EEIG1: variants seen among roughly 807,000 people sequenced by gnomAD.
EEIG1 encodes the protein estrogen-induced osteoclastogenesis regulator 1.
chr9:127,958,047 T>C, the EEIG1 span, among the ~76,000 whole-genome samples: 1 of 152,202 alleles, frequency 6.6e-6, no homozygotes, highest in East Asian at 1.9e-4. Flanking sequence ...TTATGGTCAA[T>C]TGATTTTTGA....
chr9:127,962,323 A>G, the EEIG1 span, among the ~76,000 whole-genome samples: 1 of 152,228 alleles, frequency 6.6e-6, no homozygotes, highest in Non-Finnish European at 1.5e-5. Flanking sequence ...AAAAGAAAGG[A>G]TGAAGATGGG....
the EEIG1 span, among the ~76,000 whole-genome samples, chr9:127,962,390 T>A: frequency 5.9e-5 from 9 of 152,200 alleles, no homozygotes; most frequent in Admixed American, 5.9e-4. Context: ...TGAGCATTTC[T>A]TAAAGCACAC....
chr9:127,978,780 T>C, the EEIG1 span, among the ~76,000 whole-genome samples: 1 of 152,100 alleles, frequency 6.6e-6, no homozygotes, highest in East Asian at 1.9e-4. Context: ...GAGGTTGCAG[T>C]GACCCAAGAT....
At chr9:127,944,361 C>A in the EEIG1 span, 6 of 588,160 alleles carry the variant, frequency 1.0e-5, no homozygotes, top group Non-Finnish European at 9.1e-6. Flanking sequence ...CCAGGCATTG[C>A]TGGAGGTGAC....
chr9:127,948,429 G>A, the EEIG1 span: 2 of 1,613,810 alleles, frequency 1.2e-6, no homozygotes, highest in South Asian at 1.1e-5. Context: ...GGCGAGGGGA[G>A]CAATCAGCTA....
At chr9:127,949,311 C>CAAAAAAA in the EEIG1 span, among the ~76,000 whole-genome samples, 2 of 90,148 alleles carry the variant, frequency 2.2e-5, no homozygotes, top group East Asian at 3.4e-4. Context: ...GACTCTGTCT[C>CAAAAAAA]AAAAAAAAAA....
the EEIG1 span, among the ~76,000 whole-genome samples, chr9:127,965,839 G>A: frequency 6.6e-6 from 1 of 152,268 alleles, no homozygotes; most frequent in Non-Finnish European, 1.5e-5. Context: ...TGAAGAGCCA[G>A]CGTGGCAGCA....
At chr9:127,960,112 C>A in the EEIG1 span, among the ~76,000 whole-genome samples, 10 of 152,100 alleles carry the variant, frequency 6.6e-5, no homozygotes, top group Admixed American at 2.0e-4. Flanking sequence ...GTGCAGGTAG[C>A]GATGAGGTGT....
chr9:127,978,371 G>A, the EEIG1 span, among the ~76,000 whole-genome samples: 16 of 152,048 alleles, frequency 1.1e-4, no homozygotes, highest in Non-Finnish European at 1.5e-4. Flanking sequence ...CAGTTTCTCC[G>A]CCTATAACAC....
chr9:127,955,022 A>C, the EEIG1 span, among the ~76,000 whole-genome samples: 1 of 152,196 alleles, frequency 6.6e-6, no homozygotes, highest in Non-Finnish European at 1.5e-5. Flanking sequence ...ATCCCCGAGC[A>C]GCTCCCCATC....
chr9:127,980,606 GC>G, the EEIG1 span: 1 of 150,506 alleles, frequency 6.6e-6, no homozygotes. Context: ...CCCGCTGGCG[GC>G]CGGGGGAGGT....
At chr9:127,947,621 A>G in the EEIG1 span, among the ~76,000 whole-genome samples, 2 of 152,114 alleles carry the variant, frequency 1.3e-5, no homozygotes, top group Non-Finnish European at 2.9e-5. Context: ...TATGTGGGAG[A>G]GCAAGAGCTC....
the EEIG1 span, among the ~76,000 whole-genome samples, chr9:127,949,053 C>T: frequency 1.1e-4 from 17 of 152,132 alleles, no homozygotes; most frequent in Admixed American, 1.0e-3. Context: ...CCGTGGCTCA[C>T]GCCTGTAATC....
At chr9:127,945,675 T>C in the EEIG1 span, 1 of 1,596,198 alleles carries the variant, frequency 6.3e-7, no homozygotes, top group Non-Finnish European at 8.5e-7. The surrounding 1 kb of genome is among the most constrained non-coding windows in gnomAD (Gnocchi z 6.5). Flanking sequence ...CTGGCTGGCA[T>C]AGCTGGAGTT....
chr9:127,970,794 T>TTG, the EEIG1 span, among the ~76,000 whole-genome samples: 3 of 24,134 alleles, frequency 1.2e-4, no homozygotes, highest in Admixed American at 5.3e-4. Context: ...CTCAGCACGC[T>TTG]CGCCCTTGCC....
chr9:127,948,032 C>T, the EEIG1 span: 1 of 1,584,530 alleles, frequency 6.3e-7, no homozygotes, highest in South Asian at 1.1e-5. Flanking sequence ...ACCCCTCGGG[C>T]CGCTAGCAGG....
chr9:127,946,876 T>C, the EEIG1 span, among the ~76,000 whole-genome samples: 1 of 152,144 alleles, frequency 6.6e-6, no homozygotes, highest in Admixed American at 6.5e-5. Context: ...ACTGATTCTG[T>C]GGGACAAATC....
At chr9:127,972,966 C>G in the EEIG1 span, among the ~76,000 whole-genome samples, 1 of 152,146 alleles carries the variant, frequency 6.6e-6, no homozygotes, top group Admixed American at 6.5e-5. The surrounding 1 kb of genome is among the most constrained non-coding windows in gnomAD (Gnocchi z 4.3). Context: ...CAGGGCATAT[C>G]TGGAGTCCCC....
chr9:127,942,494 G>A, the EEIG1 span: 1 of 154,002 alleles, frequency 6.5e-6, no homozygotes, highest in East Asian at 1.9e-4. Context: ...ACTGTGCTGG[G>A]GGTGAGCATG....
Sources: allele counts gnomAD v4.1 joint callset (sites outside exome capture counted in the v4.1 genomes callset), GRCh38; gene constraint gnomAD v4.1.1; non-coding constraint Gnocchi (gnomAD v3.1); transcripts MANE v1.5; gene names NCBI Gene and HGNC (gene_info 2026-07-23, HGNC 2026-07-21).